GREB1L: variants seen among roughly 807,000 people sequenced by gnomAD.
The protein encoded by GREB1L is GREB1 like retinoic acid receptor coactivator, also known as GREB1-like protein.
GREB1L carries 17 observed loss-of-function variants against 200.8 expected under a neutral mutation model. The ratio of observed to expected loss-of-function variants is 0.08; its 90% CI spans 0.06 to 0.13. GREB1L has a LOEUF of 0.13. Ranked by LOEUF, GREB1L falls within the 10% of genes least tolerant of loss-of-function variation. GREB1L has a pLI of 1.00. For synonymous variants in GREB1L, 789 were observed against 893.0 expected (o/e 0.88, Z 2.08); for missense variants, 1,657 against 2,367.7 (o/e 0.70, Z 6.23).
At chr18:21,433,126 A>G (rs149727129) in intron 7 of GREB1L, among the ~76,000 whole-genome samples, 6 of 152,302 alleles carry the variant, frequency 3.9e-5, no homozygotes, top group East Asian at 3.9e-4. Context: ...TCCTCCTTCA[A>G]TATGTTAAGA....
intron 32 of GREB1L, among the ~76,000 whole-genome samples, chr18:21,521,236 G>A (rs374201474): frequency 8.4e-4 from 127 of 151,404 alleles, no homozygotes; most frequent in African/African-American, 1.9e-3. Context: ...TCAGCCGGGC[G>A]TGGTGGCTCC....
intron 1 of GREB1L, among the ~76,000 whole-genome samples, chr18:21,363,287 G>GCCCCCCCCCCC (rs1224570798): frequency 2.4e-4 from 2 of 8,268 alleles, no homozygotes; most frequent in Non-Finnish European, 4.3e-4. Context: ...CCTCCCCCCC[G>GCCCCCCCCCCC]CCCCCCCCCC....
chr18:21,268,544 CACACACACACACACACAT>C (rs2038015920), intron 1 of GREB1L, among the ~76,000 whole-genome samples: 3 of 96,968 alleles, frequency 3.1e-5, no homozygotes, highest in Non-Finnish European at 1.9e-5. Context: ...CACACACACA[CACACACACACACACACAT>C]ATATATATAT....
chr18:21,363,795 A>G (rs1318225639), intron 1 of GREB1L: 6 of 152,254 alleles, frequency 3.9e-5, no homozygotes, highest in African/African-American at 1.4e-4. Flanking sequence ...ATGTCATTTT[A>G]TAAACATCTT....
intron 30 of GREB1L, 32 bp from the exon 31 acceptor site, chr18:21,518,002 G>T: frequency 6.6e-7 from 1 of 1,520,170 alleles, no homozygotes; most frequent in South Asian, 1.2e-5. Context: ...TGACAGACAA[G>T]TTTCCCATGA....
intron 1 of GREB1L, among the ~76,000 whole-genome samples, chr18:21,343,050 CTG>C (rs766443620): frequency 2.6e-5 from 4 of 151,960 alleles, no homozygotes; most frequent in Non-Finnish European, 5.9e-5. Flanking sequence ...AAAACAAAAA[CTG>C]TGTGACTGGG....
intron 17 of GREB1L, among the ~76,000 whole-genome samples, chr18:21,485,176 C>A (rs1332693909): frequency 6.6e-6 from 1 of 152,084 alleles, no homozygotes; most frequent in Non-Finnish European, 1.5e-5. Context: ...CAAAGATAAG[C>A]TTTTATGAGT....
chr18:21,310,769 T>A (rs2038777621), intron 1 of GREB1L, among the ~76,000 whole-genome samples: 1 of 152,236 alleles, frequency 6.6e-6, no homozygotes, highest in Non-Finnish European at 1.5e-5. Context: ...CCATCATTAG[T>A]AATCATTCTC....
chr18:21,434,529 GTGTA>G (rs371941457), intron 7 of GREB1L, among the ~76,000 whole-genome samples: 49 of 145,618 alleles, frequency 3.4e-4, no homozygotes, highest in South Asian at 1.1e-3. Context: ...GTGTGTGTGT[GTGTA>G]TATATATGTG....
chr18:21,374,453 T>C (rs1406671875), intron 2 of GREB1L, among the ~76,000 whole-genome samples: 2 of 152,184 alleles, frequency 1.3e-5, no homozygotes, highest in Non-Finnish European at 1.5e-5. Context: ...AATCAGAGTA[T>C]AGGAAGTGCT....
intron 1 of GREB1L, among the ~76,000 whole-genome samples, chr18:21,268,556 C>CATATAT (rs2038019099): frequency 3.1e-5 from 3 of 95,754 alleles, no homozygotes; most frequent in African/African-American, 5.3e-5. Context: ...CACACACACA[C>CATATAT]ACACATATAT....
At chr18:21,388,988 C>G (rs2144196087) in intron 4 of GREB1L, among the ~76,000 whole-genome samples, 1 of 152,186 alleles carries the variant, frequency 6.6e-6, no homozygotes, top group South Asian at 2.1e-4. Flanking sequence ...CCTTGGTCAC[C>G]TGGCTGAGGG....
chr18:21,383,366 C>T (rs1454517277), intron 2 of GREB1L, 144 bp from the exon 3 acceptor site: 1 of 625,444 alleles, frequency 1.6e-6, no homozygotes, highest in Non-Finnish European at 2.5e-6. Context: ...CACAAGCTGT[C>T]TTAAGATCTC....
At chr18:21,263,547 A>G (rs1295376416) in intron 1 of GREB1L, among the ~76,000 whole-genome samples, 1 of 152,032 alleles carries the variant, frequency 6.6e-6, no homozygotes, top group Non-Finnish European at 1.5e-5. Context: ...CTCAACTTGA[A>G]TTTTCCATTT....
rs1028948876 is a variant in GREB1L at position 21,454,379 on chromosome 18, A to G, written c.1998A>G (p.Glu666=). ...IPTQNLDLDN[E]TFHIYQPQLT... is the part of the protein sequence containing the mutation. ...TTTAAATTTTAGATTTAGATAATGAAACCTTCCACATTTATCAACCGCAGC... is the reference window on the plus strand; with the variant it reads ...TTTAAATTTTAGATTTAGATAATGAGACCTTCCACATTTATCAACCGCAGC... The change falls in exon 15 of 33, where the codon GAA becomes GAG. Residue 666 remains glutamate (E), a synonymous_variant. Transcript: ENST00000424526. 1.3e-6 allele frequency: 2 copies of G among 1,550,484 alleles called. No individual in the cohort carries two copies. The highest frequency in any genetic ancestry group is 1.7e-6 in the Non-Finnish European group (2 of 1,146,188).
intron 4 of GREB1L, among the ~76,000 whole-genome samples, chr18:21,387,291 T>C (rs771977994): frequency 1.3e-5 from 2 of 152,234 alleles, no homozygotes; most frequent in Admixed American, 1.3e-4. Context: ...AATTGGAGAA[T>C]GCTAATCTGT....
chr18:21,513,044 G>A (rs1398926714), intron 27 of GREB1L, among the ~76,000 whole-genome samples: 1 of 152,114 alleles, frequency 6.6e-6, no homozygotes, highest in African/African-American at 2.4e-5. Context: ...CGAGTACTTA[G>A]AGGGTACTAG....
intron 1 of GREB1L, among the ~76,000 whole-genome samples, chr18:21,284,077 C>G (rs1433380345): frequency 6.6e-6 from 1 of 152,194 alleles, no homozygotes; most frequent in Non-Finnish European, 1.5e-5. Context: ...TGCTCTGTCC[C>G]TGCCACCCCC....
At chr18:21,474,287 C>T (rs1276618950) in intron 16 of GREB1L, among the ~76,000 whole-genome samples, 4 of 152,126 alleles carry the variant, frequency 2.6e-5, no homozygotes, top group African/African-American at 9.7e-5. Context: ...TAGTTACTTC[C>T]TAGATAGAAT....
Sources: gnomAD v4.1 joint callset for allele counts (sites outside exome capture counted in the v4.1 genomes callset) on GRCh38, gnomAD v4.1.1 for gene constraint, MANE v1.5 for transcripts, NCBI Gene and HGNC (gene_info 2026-07-23, HGNC 2026-07-21) for gene names.